Variants in MAP3K15 observed in about 807,000 individuals in gnomAD.
MAP3K15 encodes the protein MAPK/ERK kinase kinase 15.
Under a neutral mutation model 99.5 loss-of-function variants are expected in MAP3K15, and 124 were observed. The observed-to-expected ratio is 1.25, with a 90% CI of 1.08 to 1.45. The LOEUF (loss-of-function observed/expected upper bound fraction) is 1.45, where lower values mean the gene tolerates loss of function less well. MAP3K15 is among the 40% of genes most tolerant of loss of function. The probability of loss-of-function intolerance (pLI) is 0.00; values close to 1 mark genes in which losing one functional copy is unlikely to be tolerated. For missense variants in MAP3K15, 1,242 were observed against 1,079.7 expected, an observed-to-expected ratio of 1.15 and a Z score of -2.11; for synonymous variants, 494 against 439.6, an observed-to-expected ratio of 1.12 and a Z score of -1.55.
At chrX:19,429,637 G>A (rs1347983063) in intron 7 of MAP3K15, among the ~76,000 whole-genome samples, 1 of 109,262 alleles carries the variant, frequency 9.2e-6, no homozygotes, top group African/African-American at 3.3e-5. Context: ...CCATCACTTA[G>A]GATGTTGGGT....
intron 1 of MAP3K15, among the ~76,000 whole-genome samples, chrX:19,490,184 C>T (rs944941564): frequency 1.9e-5 from 2 of 103,566 alleles, no homozygotes; most frequent in Non-Finnish European, 4.0e-5. Context: ...CACACACACA[C>T]ATACATACAA....
At chrX:19,397,911 C>G (rs2063578209) in intron 15 of MAP3K15, among the ~76,000 whole-genome samples, 1 of 109,722 alleles carries the variant, frequency 9.1e-6, no homozygotes, top group Admixed American at 9.7e-5. Context: ...AACCCCGTCT[C>G]TACTAAAAAT....
At chrX:19,449,893 T>C (rs1224791458) in intron 6 of MAP3K15, among the ~76,000 whole-genome samples, 1 of 108,998 alleles carries the variant, frequency 9.2e-6, no homozygotes, top group Non-Finnish European at 1.9e-5. Context: ...TGTATTTTGC[T>C]AGTAGTTTTG....
At chrX:19,454,502 T>G (rs1179903278) in intron 6 of MAP3K15, among the ~76,000 whole-genome samples, 1 of 111,854 alleles carries the variant, frequency 8.9e-6, no homozygotes, top group Non-Finnish European at 1.9e-5. Flanking sequence ...CTGAACGCAG[T>G]GGAGTGGAAG....
At chrX:19,399,090 C>T (rs1796338716) in intron 14 of MAP3K15, among the ~76,000 whole-genome samples, 1 of 112,077 alleles carries the variant, frequency 8.9e-6, no homozygotes, top group African/African-American at 3.2e-5. Flanking sequence ...GAATAGTCGG[C>T]GGGTATGTGG....
At chrX:19,384,476 A>G (rs2063480623) in intron 18 of MAP3K15, among the ~76,000 whole-genome samples, 1 of 110,258 alleles carries the variant, frequency 9.1e-6, no homozygotes, top group Non-Finnish European at 1.9e-5. Context: ...ATGGTGGCTC[A>G]TGCCTGCAAT....
intron 4 of MAP3K15, among the ~76,000 whole-genome samples, chrX:19,460,792 T>G (rs1378013980): frequency 1.8e-5 from 2 of 109,635 alleles, no homozygotes; most frequent in Non-Finnish European, 3.8e-5. Flanking sequence ...TTTATTTTTT[T>G]GAGACGGAGT....
chrX:19,381,080 T>C (rs1013839470), intron 18 of MAP3K15, among the ~76,000 whole-genome samples: 15 of 111,518 alleles, frequency 1.3e-4, no homozygotes, highest in African/African-American at 4.9e-4. Flanking sequence ...GACAGAGAAA[T>C]ACACAGAAGG....
At chrX:19,428,956 G>A (rs1269677926) in intron 7 of MAP3K15, among the ~76,000 whole-genome samples, 2 of 110,396 alleles carry the variant, frequency 1.8e-5, no homozygotes, top group Non-Finnish European at 3.8e-5. Context: ...GTGACAGAGT[G>A]AGACTCAGTC....
chrX:19,493,951 C>T (rs1671762187), intron 1 of MAP3K15, among the ~76,000 whole-genome samples: 1 of 110,916 alleles, frequency 9.0e-6, no homozygotes, highest in South Asian at 3.8e-4. Flanking sequence ...ATATATCAGG[C>T]TAAATCTTAA....
chrX:19,375,880 A>G (rs2147222044), intron 19 of MAP3K15, among the ~76,000 whole-genome samples: 1 of 112,320 alleles, frequency 8.9e-6, no homozygotes, highest in South Asian at 3.7e-4. Flanking sequence ...TTCGAAGAAC[A>G]CTAAATGCTG....
chrX:19,364,024 T>C (rs928492932), intron 25 of MAP3K15, among the ~76,000 whole-genome samples: 17 of 111,546 alleles, frequency 1.5e-4, no homozygotes, highest in African/African-American at 5.2e-4. Context: ...GTGGGGAGGA[T>C]GGCTCCTGCC....
intron 6 of MAP3K15, among the ~76,000 whole-genome samples, chrX:19,444,416 G>A (rs1468971714): frequency 9.0e-6 from 1 of 111,578 alleles, no homozygotes; most frequent in Non-Finnish European, 1.9e-5. Context: ...CTGCTGTGAG[G>A]AGAAGCCAAA....
In MAP3K15 at chrX:19,365,996, G is replaced by C. The variant is rs1231048533; in HGVS notation, c.3566+3058C>G. 5.3e-5 allele frequency among the ~76,000 whole-genome samples: 4 copies of C among 75,645 alleles called. No homozygotes were observed. The Admixed American group carries it at 7.4e-4, about 14-fold the overall frequency. 65.7% of individuals were successfully genotyped at this position (75,645 alleles called of 115,157 possible). On this transcript the variant is annotated intron_variant, in intron 25 of 28. Coordinates refer to ENST00000338883, the MANE Select transcript of MAP3K15 (RefSeq NM_001001671.4). The stretch of plus-strand genomic sequence containing the variant: ...CACTCCAGCCTGGATGATAGAGCGA[G>C]CCTCCATCTCAAAAAAAAAAAAAAA...
intron 1 of MAP3K15, among the ~76,000 whole-genome samples, chrX:19,490,013 G>T (rs1019175958): frequency 9.0e-6 from 1 of 110,578 alleles, no homozygotes; most frequent in African/African-American, 3.3e-5. Context: ...TCCAGCCTGG[G>T]CAACAGAGTG....
chrX:19,392,595 G>T, intron 16 of MAP3K15, 122 bp from the exon 17 acceptor site: 1 of 670,754 alleles, frequency 1.5e-6, no homozygotes. Flanking sequence ...CATCGGATCT[G>T]GGCTAAATGC....
chrX:19,390,125 T>A (rs1021078126), intron 18 of MAP3K15, among the ~76,000 whole-genome samples: 11 of 110,466 alleles, frequency 1.0e-4, no homozygotes, highest in African/African-American at 3.6e-4. Flanking sequence ...GGGTGTCCAG[T>A]GGCTGACACG....
At chrX:19,421,035 A>G (rs1241710014) in intron 9 of MAP3K15, among the ~76,000 whole-genome samples, 4 of 111,214 alleles carry the variant, frequency 3.6e-5, no homozygotes, top group Admixed American at 9.6e-5. Context: ...ACGTATCTCA[A>G]AATAATAAGA....
intron 3 of MAP3K15, among the ~76,000 whole-genome samples, chrX:19,474,718 A>G (rs1275135139): frequency 1.8e-5 from 2 of 111,092 alleles, no homozygotes; most frequent in Non-Finnish European, 3.8e-5. Flanking sequence ...TTCATATCAC[A>G]TTACAGTTCC....
Sources: gnomAD v4.1 joint callset for allele counts (sites outside exome capture counted in the v4.1 genomes callset) on GRCh38, gnomAD v4.1.1 for gene constraint, MANE v1.5 for transcripts, NCBI Gene and HGNC (gene_info 2026-07-23, HGNC 2026-07-21) for gene names.